PIP5K1B: variants seen among roughly 807,000 people sequenced by gnomAD.
PIP5K1B encodes the protein phosphatidylinositol-4-phosphate 5-kinase type 1 beta, also known as phosphatidylinositol 4-phosphate 5-kinase type-1 beta.
PIP5K1B carries 42 observed loss-of-function variants against 67.0 expected under a neutral mutation model. The ratio of observed to expected loss-of-function variants is 0.63; its 90% confidence interval spans 0.49 to 0.81. PIP5K1B has a LOEUF of 0.81. Ranked by LOEUF, PIP5K1B falls within the 30% of genes least tolerant of loss-of-function variation. The pLI is 0.00. For synonymous variants in PIP5K1B, 214 were observed against 231.4 expected, an observed-to-expected ratio of 0.92 and a Z score of 0.68; for missense variants, 459 against 646.3, an observed-to-expected ratio of 0.71 and a Z score of 3.14.
At chr9:68,908,075 A>C (rs1825699744) in intron 8 of PIP5K1B, among the ~76,000 whole-genome samples, 1 of 152,198 alleles carries the variant, frequency 6.6e-6, no homozygotes. Context: ...GCTTGGACCA[A>C]GTGTGGCCTC....
chr9:68,832,128 C>A (rs1287277057), intron 4 of PIP5K1B, among the ~76,000 whole-genome samples: 2 of 152,016 alleles, frequency 1.3e-5, no homozygotes, highest in Non-Finnish European at 2.9e-5. Flanking sequence ...AAGTGAAAAA[C>A]AAAAAAATCC....
chr9:68,760,030 A>C (rs1460003721), intron 2 of PIP5K1B, among the ~76,000 whole-genome samples: 1 of 152,136 alleles, frequency 6.6e-6, no homozygotes, highest in African/African-American at 2.4e-5. Flanking sequence ...TAGTTAAGAC[A>C]TTAGGAGATC....
chr9:68,858,375 C>G (rs1456040010), intron 4 of PIP5K1B, among the ~76,000 whole-genome samples: 2 of 152,186 alleles, frequency 1.3e-5, no homozygotes, highest in East Asian at 1.9e-4. Context: ...CTCTCAAAAT[C>G]TATGGTTTTG....
In PIP5K1B at chr9:68,879,950, T is replaced by C. The variant is rs533238565; in HGVS notation, c.318+3156T>C. On this transcript the variant is annotated intron_variant, in intron 6 of 15. Transcript: ENST00000265382. ...TATCAAAACATCATGTTGTATACCATAAAAGTATACAATTTTATTTATCAA... is the reference window on the plus strand; with the variant it reads ...TATCAAAACATCATGTTGTATACCACAAAAGTATACAATTTTATTTATCAA... Among the ~76,000 whole-genome samples, 8 of 152,370 alleles carry C rather than the reference T, an allele frequency of 5.3e-5. No homozygotes were observed. In the East Asian group the frequency reaches 1.5e-3, roughly 29 times the overall value.
intron 4 of PIP5K1B, among the ~76,000 whole-genome samples, chr9:68,837,502 C>A (rs993268890): frequency 6.6e-6 from 1 of 151,822 alleles, no homozygotes; most frequent in Non-Finnish European, 1.5e-5. Flanking sequence ...TTTATGAATA[C>A]CCTTTGCTGT....
chr9:68,991,630 G>T (rs1364534773), intron 15 of PIP5K1B, among the ~76,000 whole-genome samples: 3 of 152,192 alleles, frequency 2.0e-5, no homozygotes, highest in Non-Finnish European at 2.9e-5. Context: ...TTAGTAGGCC[G>T]AGAGGCGCAG....
At chr9:68,941,925 G>A (rs1037744533) in intron 14 of PIP5K1B, among the ~76,000 whole-genome samples, 5 of 152,136 alleles carry the variant, frequency 3.3e-5, no homozygotes, top group Non-Finnish European at 5.9e-5. Context: ...GAGGTTAGGC[G>A]GCCAGTCTAG....
intron 4 of PIP5K1B, among the ~76,000 whole-genome samples, chr9:68,834,966 C>A (rs912376032): frequency 1.3e-5 from 2 of 152,108 alleles, no homozygotes; most frequent in South Asian, 4.1e-4. Flanking sequence ...CTTAAAGGTT[C>A]TATTCTTTCC....
At chr9:69,000,727 C>A (rs1239071463) in intron 15 of PIP5K1B, among the ~76,000 whole-genome samples, 3 of 152,138 alleles carry the variant, frequency 2.0e-5, no homozygotes, top group African/African-American at 7.2e-5. Context: ...TCTATAAAGA[C>A]CCTGCCTCCA....
intron 12 of PIP5K1B, among the ~76,000 whole-genome samples, chr9:68,924,137 G>A (rs1454723202): frequency 3.4e-5 from 5 of 148,782 alleles, no homozygotes; most frequent in Admixed American, 6.7e-5. Flanking sequence ...AAAGGAGGCC[G>A]GGCGCGGTAA....
chr9:68,789,036 A>G, intron 2 of PIP5K1B: 1 of 459,190 alleles, frequency 2.2e-6, no homozygotes, highest in Non-Finnish European at 4.2e-6. Context: ...TCAGCTTGAT[A>G]CAGCATCAAT....
intron 15 of PIP5K1B, among the ~76,000 whole-genome samples, chr9:69,003,268 T>C (rs1216391033): frequency 6.6e-6 from 1 of 151,988 alleles, no homozygotes; most frequent in East Asian, 1.9e-4. Context: ...TCAGAATTGA[T>C]GACAGAAACA....
At position 68,920,359 on chromosome 9, in the gene PIP5K1B, CTTTTTTTTT is replaced by C. The variant is rs5898051; in HGVS notation, c.1116+648_1116+656del. 1.6e-3 allele frequency among the ~76,000 whole-genome samples: 160 copies of C among 98,366 alleles called. 11 individuals are homozygous for C. The highest frequency in any genetic ancestry group is 5.2e-3 in the African/African-American group (142 of 27,484). The allele number at this position is 98,366 out of a possible 152,430, so 64.5% of individuals were successfully genotyped here. ...ATACATGCTGGCTGCCTGAGGTTGT[CTTTTTTTTT>C]TTTTTTTTTTTTTTTTTGAGATGGA... On this transcript the variant is annotated intron_variant, in intron 11 of 15. Coordinates refer to ENST00000265382, the MANE Select transcript of PIP5K1B (RefSeq NM_003558.4).
chr9:68,863,688 G>T (rs2132262186), intron 4 of PIP5K1B, 149 bp from the exon 5 acceptor site: 2 of 567,738 alleles, frequency 3.5e-6, no homozygotes, highest in Admixed American at 3.0e-5. Flanking sequence ...TGCATCAAAA[G>T]AAGCAACTTA....
intron 6 of PIP5K1B, among the ~76,000 whole-genome samples, chr9:68,880,633 A>G (rs1311604465): frequency 7.0e-6 from 1 of 143,134 alleles, no homozygotes; most frequent in Non-Finnish European, 1.6e-5. Flanking sequence ...ACACACACAC[A>G]CACAAAATAG....
intron 1 of PIP5K1B, chr9:68,708,110 A>T (rs1827208242): frequency 6.6e-6 from 1 of 151,916 alleles, no homozygotes; most frequent in African/African-American, 2.4e-5. Context: ...GAAACTTAAC[A>T]AGTGCGTTTT....
At chr9:68,796,638 T>C (rs1832309433) in intron 2 of PIP5K1B, among the ~76,000 whole-genome samples, 2 of 152,222 alleles carry the variant, frequency 1.3e-5, no homozygotes, top group Admixed American at 6.5e-5. Context: ...CGAGGTTGTC[T>C]TCTCCTCAAC....
At chr9:68,772,985 A>G (rs1446715127) in intron 2 of PIP5K1B, among the ~76,000 whole-genome samples, 3 of 152,186 alleles carry the variant, frequency 2.0e-5, no homozygotes, top group Admixed American at 1.3e-4. Flanking sequence ...TCCCCACTTC[A>G]TAAGTGACAA....
At chr9:68,914,324 G>A (rs531234040) in intron 8 of PIP5K1B, among the ~76,000 whole-genome samples, 1 of 152,298 alleles carries the variant, frequency 6.6e-6, no homozygotes, top group South Asian at 2.1e-4. Flanking sequence ...AACATCCACA[G>A]TATTGTCAGA....
Sources: gnomAD v4.1 joint callset for allele counts (sites outside exome capture counted in the v4.1 genomes callset) on GRCh38, gnomAD v4.1.1 for gene constraint, MANE v1.5 for transcripts, NCBI Gene and HGNC (gene_info 2026-07-23, HGNC 2026-07-21) for gene names.